The following OPRM1 variants were observed in gnomAD, a reference collection of about 807,000 sequenced individuals.
OPRM1 encodes mu-type opioid receptor.
OPRM1 carries 27 observed loss-of-function variants against 31.8 expected under a neutral mutation model. The ratio of observed to expected loss-of-function variants is 0.85; its 90% CI spans 0.63 to 1.17. The LOEUF is 1.17. Among genes scored for constraint, OPRM1 ranks in the 50% most tolerant of loss-of-function variants. The pLI is 0.00. For missense variants in OPRM1, 536 were observed against 511.1 expected (o/e 1.05, Z -0.47); for synonymous variants, 196 against 189.9 (o/e 1.03, Z -0.26).
intron 3 of OPRM1, chr6:154,159,966 C>T: frequency 6.2e-7 from 1 of 1,613,350 alleles, no homozygotes; most frequent in Non-Finnish European, 8.5e-7. Context: ...TGACTTTCCA[C>T]TCTCTGTATT....
chr6:154,027,469 C>T (rs911128279), intron 1 of OPRM1, among the ~76,000 whole-genome samples: 1 of 152,170 alleles, frequency 6.6e-6, no homozygotes, highest in Non-Finnish European at 1.5e-5. Context: ...CCTGCTATAA[C>T]AATTCCCTGG....
chr6:154,166,592 C>T (rs1337113877), intron 3 of OPRM1, among the ~76,000 whole-genome samples: 14 of 152,210 alleles, frequency 9.2e-5, no homozygotes, highest in Non-Finnish European at 1.3e-4. Flanking sequence ...GCACCCTGAG[C>T]ACATCTCAAC....
chr6:154,236,634 G>A (rs1187334935), intron 3 of OPRM1, among the ~76,000 whole-genome samples: 2 of 152,222 alleles, frequency 1.3e-5, no homozygotes, highest in Non-Finnish European at 2.9e-5. Context: ...TCCAAGGTAA[G>A]TTTTACAAGA....
chr6:154,100,523 A>C lies in OPRM1; in HGVS notation c.1164+9051A>C, dbSNP rs908093747. Among the ~76,000 whole-genome samples the C allele has an allele frequency of 1.6e-4, 24 of 152,034 alleles. 1 individual carries two copies. The highest frequency in any genetic ancestry group is 1.2e-3 in the Admixed American group (19 of 15,254). Reference sequence around the variant, plus strand: ...ATGCAAAGAAATAAATAGCCTGATAAATTGGCTCCATATCATTATCAGATA... The same window carrying C: ...ATGCAAAGAAATAAATAGCCTGATACATTGGCTCCATATCATTATCAGATA... On this transcript the variant is annotated intron_variant, in intron 3 of 3. Transcript: ENST00000330432.
intron 3 of OPRM1, among the ~76,000 whole-genome samples, chr6:154,147,448 C>T (rs144782139): frequency 3.4e-3 from 513 of 152,256 alleles, no homozygotes; most frequent in African/African-American, 0.011. Context: ...CCTTCACTTG[C>T]GTTTCTGCTG....
At position 154,161,532 on chromosome 6, in the gene OPRM1, C is replaced by T. The variant is rs149284672; in HGVS notation, c.1164+70060C>T. 2.3e-4 allele frequency among the ~76,000 whole-genome samples: 35 copies of T among 152,152 alleles called. No homozygotes were observed. In the East Asian group the frequency reaches 5.8e-3, roughly 25 times the overall value. On this transcript the variant is annotated intron_variant, in intron 3 of 3. Transcript: ENST00000337049. The stretch of plus-strand genomic sequence containing the variant: ...CTGGCCTACCCAATTTTTCAAAACC[C>T]GTAAATCTATACTTGAGGCATCACA...
chr6:154,224,099 G>A (rs1779071171), intron 3 of OPRM1, among the ~76,000 whole-genome samples: 1 of 152,186 alleles, frequency 6.6e-6, no homozygotes, highest in Non-Finnish European at 1.5e-5. Context: ...ATCTACACTG[G>A]TGTCTCTGAG....
intron 1 of OPRM1, among the ~76,000 whole-genome samples, chr6:154,063,611 T>C (rs1173616940): frequency 1.3e-5 from 2 of 151,998 alleles, no homozygotes; most frequent in Admixed American, 6.6e-5. Context: ...CATTTCATCT[T>C]GCAAAACTGA....
At chr6:154,160,052 GA>G (rs774674336) in intron 3 of OPRM1, 14 of 1,582,756 alleles carry the variant, frequency 8.8e-6, no homozygotes, top group East Asian at 2.2e-5. Context: ...TGTGTGAGTA[GA>G]AAAAAAGGGG....
rs192633629 is a variant in OPRM1, at chr6:154,230,956, T to C, written c.1165-15737T>C. 7.2e-5 allele frequency among the ~76,000 whole-genome samples: 11 copies of C among 152,318 alleles called. No individual in the cohort carries two copies. In the East Asian group the frequency reaches 1.3e-3, roughly 19 times the overall value. ...TAGAATTGAAATTCTTGAAATTACA[T>C]TGAGCAAATTTAATGAGGTTACCCA... is the stretch of plus-strand genomic sequence containing the variant. On this transcript the variant is annotated intron_variant, in intron 3 of 3. Transcript: ENST00000337049.
chr6:154,192,550 A>C (rs9478517), intron 3 of OPRM1, among the ~76,000 whole-genome samples: 21,949 of 152,116 alleles, frequency 0.14, 1,858 homozygotes, highest in African/African-American at 0.22. Context: ...ACAGCAAAAG[A>C]AACAATCAGC....
intron 1 of OPRM1, among the ~76,000 whole-genome samples, chr6:154,071,931 G>C (rs892446068): frequency 3.9e-5 from 6 of 152,186 alleles, no homozygotes; most frequent in Non-Finnish European, 7.3e-5. Flanking sequence ...ATCATGGAGA[G>C]TCCTCATCTG....
At chr6:154,089,533 G>A (rs1791502340) in intron 1 of OPRM1, among the ~76,000 whole-genome samples, 1 of 146,402 alleles carries the variant, frequency 6.8e-6, no homozygotes, top group South Asian at 2.1e-4. Context: ...GCTGTAGTGA[G>A]CTCTGTTCAT....
rs978044983 is a variant in OPRM1, at chr6:154,167,301, T to A, written c.1164+75829T>A. On this transcript the variant is annotated intron_variant, in intron 3 of 3. Transcript: ENST00000337049. ...TTTCAGCTCAGGGAGGGCCTGAAAA[T>A]AGCTTCAGTACTTCCTGTACACTTT... 7.9e-5 allele frequency among the ~76,000 whole-genome samples: 12 copies of A among 152,220 alleles called. 1 individual carries two copies. Among genetic ancestry groups the A allele is most frequent in the Admixed American group, 2.0e-4 (3 of 15,286 alleles).
intron 3 of OPRM1, among the ~76,000 whole-genome samples, chr6:154,146,207 C>A (rs9397689): frequency 0.6 from 91,986 of 152,146 alleles, 28,008 homozygotes; most frequent in Middle Eastern, 0.66. Flanking sequence ...CAAGACCAGC[C>A]TGGCTAACAT....
At chr6:154,146,729 G>A (rs2128539928) in intron 3 of OPRM1, among the ~76,000 whole-genome samples, 1 of 152,160 alleles carries the variant, frequency 6.6e-6, no homozygotes, top group Non-Finnish European at 1.5e-5. Context: ...CTTCCCCTGG[G>A]TACCTTTATG....
At chr6:154,066,068 A>G (rs982860013) in intron 1 of OPRM1, among the ~76,000 whole-genome samples, 6 of 152,182 alleles carry the variant, frequency 3.9e-5, no homozygotes, top group African/African-American at 1.2e-4. Flanking sequence ...GATATATTAC[A>G]TTGATTGGTA....
At position 154,089,850 on chromosome 6, in the gene OPRM1, C is replaced by A; in HGVS notation, c.315C>A (p.Thr105=). The stretch of plus-strand genomic sequence containing the variant: ...GATACACCAAGATGAAGACTGCCAC[C>A]AACATCTACATTTTCAACCTTGCTC... The part of the protein sequence containing the change: ...IVRYTKMKTA[T]NIYIFNLALA... Residue 105 remains threonine (T), a synonymous_variant, in exon 2 of 4, where the codon ACC becomes ACA. Transcript: ENST00000330432. The A allele has an allele frequency of 1.2e-6, 2 of 1,613,278 alleles. No homozygotes were observed. The highest frequency in any genetic ancestry group is 1.7e-6 in the Non-Finnish European group (2 of 1,179,568).
intron 3 of OPRM1, among the ~76,000 whole-genome samples, chr6:154,144,795 G>A (rs1394141518): frequency 1.3e-5 from 2 of 150,146 alleles, no homozygotes; most frequent in African/African-American, 2.5e-5. Context: ...ATGACCAAGT[G>A]GAATTTATTC....
Sources: gnomAD v4.1 joint callset for allele counts (sites outside exome capture counted in the v4.1 genomes callset) on GRCh38, gnomAD v4.1.1 for gene constraint, MANE v1.5 for transcripts, NCBI Gene and HGNC (gene_info 2026-07-23, HGNC 2026-07-21) for gene names.